FGF13: variants seen among roughly 807,000 people sequenced by gnomAD.
FGF13 encodes fibroblast growth factor homologous factor 2.
Under a neutral mutation model 19.5 loss-of-function variants are expected in FGF13, and 2 were observed. The observed-to-expected ratio is 0.10, with a 90% CI of 0.04 to 0.32. The LOEUF is 0.32. FGF13 is among the 10% of genes least tolerant of loss of function. The pLI, the probability that FGF13 is intolerant of heterozygous loss-of-function variation, is 1.00. For missense variants in FGF13, 113 were observed against 192.7 expected, an observed-to-expected ratio of 0.59 and a Z score of 2.45; for synonymous variants, 72 against 76.9, an observed-to-expected ratio of 0.94 and a Z score of 0.33.
chrX:138,947,873 A>C (rs899391496), intron 1 of FGF13, among the ~76,000 whole-genome samples: 2 of 111,279 alleles, frequency 1.8e-5, no homozygotes, highest in Admixed American at 1.9e-4. Context: ...GCCCTAATCC[A>C]TTCTCACTCC....
chrX:138,887,647 A>G (rs114007659), intron 1 of FGF13, among the ~76,000 whole-genome samples: 1,519 of 112,000 alleles, frequency 0.014, 28 homozygotes, highest in African/African-American at 0.047. Flanking sequence ...CCCCAGCACA[A>G]TGATTTGAAA....
At chrX:138,652,664 C>T (rs1159746059) in intron 3 of FGF13, among the ~76,000 whole-genome samples, 1 of 111,805 alleles carries the variant, frequency 8.9e-6, no homozygotes, top group Admixed American at 9.5e-5. Flanking sequence ...ACTGCTGTTA[C>T]GAACTGCATT....
chrX:138,641,150 G>A (rs957503249), intron 3 of FGF13, among the ~76,000 whole-genome samples: 1 of 112,198 alleles, frequency 8.9e-6, no homozygotes, highest in Admixed American at 9.4e-5. Flanking sequence ...TAATTCACAT[G>A]TAACATTTTT....
chrX:138,773,057 T>C (rs1226593979), intron 3 of FGF13, among the ~76,000 whole-genome samples: 1 of 109,393 alleles, frequency 9.1e-6, no homozygotes, highest in African/African-American at 3.3e-5. Flanking sequence ...AATAAAAATA[T>C]ATAAATAATA....
intron 3 of FGF13, among the ~76,000 whole-genome samples, chrX:138,809,093 T>G (rs1393762851): frequency 8.9e-6 from 1 of 112,100 alleles, no homozygotes; most frequent in Non-Finnish European, 1.9e-5. Context: ...TAACTCATTT[T>G]ATGAGGCCAG....
chrX:139,014,124 G>T (rs1357140331), intron 1 of FGF13, among the ~76,000 whole-genome samples: 2 of 110,825 alleles, frequency 1.8e-5, no homozygotes, highest in East Asian at 2.8e-4. Flanking sequence ...TAAGAGGGAA[G>T]TTTATAGCTA....
At chrX:139,007,098 G>T (rs2092104998) in intron 1 of FGF13, among the ~76,000 whole-genome samples, 1 of 111,197 alleles carries the variant, frequency 9.0e-6, no homozygotes, top group South Asian at 3.8e-4. Context: ...TTGCTTACAA[G>T]AAACATATTT....
chrX:138,903,310 G>A (rs926725293), intron 1 of FGF13, among the ~76,000 whole-genome samples: 1 of 111,558 alleles, frequency 9.0e-6, no homozygotes, highest in Non-Finnish European at 1.9e-5. Context: ...TTCTTATGGC[G>A]TCGAGATGTC....
intron 1 of FGF13, among the ~76,000 whole-genome samples, chrX:138,900,638 T>C (rs183514167): frequency 1.1e-4 from 12 of 111,952 alleles, no homozygotes; most frequent in African/African-American, 3.2e-4. Context: ...ATTATTCATA[T>C]AATCATCAGA....
intron 1 of FGF13, among the ~76,000 whole-genome samples, chrX:138,719,217 G>A (rs889756874): frequency 2.7e-5 from 3 of 111,918 alleles, no homozygotes; most frequent in Admixed American, 9.5e-5. Flanking sequence ...GGGACTGAAC[G>A]AGATGAAATA....
At chrX:138,991,091 G>A (rs1162922982) in intron 1 of FGF13, among the ~76,000 whole-genome samples, 1 of 112,102 alleles carries the variant, frequency 8.9e-6, no homozygotes, top group African/African-American at 3.2e-5. Context: ...AAACTATCAA[G>A]AGGAAAAGAT....
intron 1 of FGF13, among the ~76,000 whole-genome samples, chrX:138,976,367 A>T (rs1467983030): frequency 2.7e-5 from 3 of 112,049 alleles, no homozygotes; most frequent in Non-Finnish European, 5.6e-5. Flanking sequence ...ACTCAGCCAT[A>T]AAAAAGGAAC....
At chrX:138,665,211 G>A (rs2089528773) in intron 3 of FGF13, among the ~76,000 whole-genome samples, 2 of 111,361 alleles carry the variant, frequency 1.8e-5, no homozygotes, top group African/African-American at 6.5e-5. Flanking sequence ...GAGGCTGTCT[G>A]CTTCTCCTTG....
chrX:139,058,071 G>T (rs2092325278), intron 1 of FGF13, among the ~76,000 whole-genome samples: 1 of 111,596 alleles, frequency 9.0e-6, no homozygotes, highest in South Asian at 3.8e-4. Context: ...ATCTAAAGAG[G>T]CTATTTATAA....
intron 1 of FGF13, among the ~76,000 whole-genome samples, chrX:138,717,342 C>G (rs1428807472): frequency 8.9e-6 from 1 of 111,817 alleles, no homozygotes; most frequent in Non-Finnish European, 1.9e-5. Context: ...TTTCAGTGAG[C>G]GTTGTTAAAT....
chrX:138,936,575 T>C (rs913008249), intron 1 of FGF13, among the ~76,000 whole-genome samples: 2 of 112,287 alleles, frequency 1.8e-5, no homozygotes, highest in African/African-American at 6.5e-5. Context: ...CTGAGTTCCT[T>C]GACAGCAGGG....
chrX:138,675,257 T>C (rs1269937837), intron 3 of FGF13, among the ~76,000 whole-genome samples: 1 of 112,316 alleles, frequency 8.9e-6, no homozygotes, highest in Non-Finnish European at 1.9e-5. Context: ...CTTTGTACGA[T>C]GCAAACGCAG....
In FGF13 at chrX:138,632,981, T is replaced by C; in HGVS notation, c.607A>G (p.Met203Val). ...TCGTGCAGTGATGGCTCCTTGTACA[T>C]GGCCACTGAAAAGCACACAAAGATG... ...HFLPKPLKVA[M>V]YKEPSLHDLT... is the part of the protein sequence containing the mutation. The change falls in exon 5 of 5, where the codon ATG (methionine) becomes GTG (valine). Residue 203 changes from methionine (M) to valine (V), a missense_variant. By Grantham distance (21) the Met-to-Val change is conservative. Coordinates refer to ENST00000315930, the MANE Select transcript of FGF13 (RefSeq NM_004114.5). 1 of 1,207,531 alleles carries C rather than the reference T, an allele frequency of 8.3e-7. No homozygotes were observed. Among genetic ancestry groups the C allele is most frequent in the Non-Finnish European group, 1.1e-6 (1 of 892,973 alleles).
intron 1 of FGF13, among the ~76,000 whole-genome samples, chrX:139,055,092 T>G (rs1352534621): frequency 9.0e-6 from 1 of 111,179 alleles, no homozygotes; most frequent in African/African-American, 3.3e-5. Flanking sequence ...GGAGGAGTCT[T>G]TAGGGTTTTC....
Sources: allele counts gnomAD v4.1 joint callset (sites outside exome capture counted in the v4.1 genomes callset), GRCh38; gene constraint gnomAD v4.1.1; transcripts MANE v1.5; gene names NCBI Gene and HGNC (gene_info 2026-07-23, HGNC 2026-07-21).